The following ARHGAP15 variants were observed in gnomAD, a reference collection of about 807,000 sequenced individuals.
ARHGAP15 encodes rho GTPase-activating protein 15.
ARHGAP15 carries 51 observed loss-of-function variants against 63.7 expected under a neutral mutation model. The observed-to-expected ratio is 0.80, with a 90% confidence interval of 0.64 to 1.01. The LOEUF is 1.01. Ranked by LOEUF, ARHGAP15 falls within the 50% of genes least tolerant of loss-of-function variation. The pLI, the probability that ARHGAP15 is intolerant of heterozygous loss-of-function variation, is 0.00. For synonymous variants in ARHGAP15, 191 were observed against 193.8 expected (o/e 0.99, Z 0.12); for missense variants, 560 against 564.6 (o/e 0.99, Z 0.08).
chr2:143,430,959 G>T (rs1446166978), intron 6 of ARHGAP15, among the ~76,000 whole-genome samples: 1 of 152,004 alleles, frequency 6.6e-6, no homozygotes, highest in African/African-American at 2.4e-5. Flanking sequence ...AAATGCGAAA[G>T]GTATTTGTTC....
chr2:143,190,986 G>A (rs1299876720), intron 2 of ARHGAP15, among the ~76,000 whole-genome samples: 1 of 152,128 alleles, frequency 6.6e-6, no homozygotes, highest in East Asian at 1.9e-4. Context: ...GGCCAGGATG[G>A]TCTCCATCTT....
At chr2:143,182,580 G>C (rs1472003078) in intron 2 of ARHGAP15, among the ~76,000 whole-genome samples, 2 of 152,100 alleles carry the variant, frequency 1.3e-5, no homozygotes, top group Admixed American at 6.5e-5. Flanking sequence ...AACTTTGTAG[G>C]GGCTTTTACT....
At chr2:143,208,943 G>A (rs1692458415) in intron 3 of ARHGAP15, among the ~76,000 whole-genome samples, 1 of 152,120 alleles carries the variant, frequency 6.6e-6, no homozygotes. Context: ...AGGATTTTGA[G>A]GACAGAGCTC....
intron 12 of ARHGAP15, among the ~76,000 whole-genome samples, chr2:143,673,783 T>TAA (rs1574821097): frequency 8.3e-6 from 1 of 121,130 alleles, no homozygotes; most frequent in African/African-American, 2.8e-5. Context: ...TATATATATA[T>TAA]AAACAACTCC....
intron 9 of ARHGAP15, among the ~76,000 whole-genome samples, chr2:143,489,989 CTTTTTG>C (rs539572113): frequency 3.1e-4 from 47 of 151,786 alleles, no homozygotes; most frequent in African/African-American, 7.7e-4. Context: ...TTTTCTTTTT[CTTTTTG>C]TTTTTGTTTT....
intron 12 of ARHGAP15, among the ~76,000 whole-genome samples, chr2:143,700,545 T>TCTCTG (rs1016525608): frequency 1.7e-4 from 26 of 152,138 alleles, no homozygotes; most frequent in Non-Finnish European, 5.9e-5. Flanking sequence ...CTTCTCCTCC[T>TCTCTG]CTCTCCTCTC....
At chr2:143,180,186 C>A (rs1691180477) in intron 2 of ARHGAP15, among the ~76,000 whole-genome samples, 1 of 152,172 alleles carries the variant, frequency 6.6e-6, no homozygotes, top group South Asian at 2.1e-4. Flanking sequence ...GAATTTCTTT[C>A]AAAATTGGAG....
At chr2:143,143,169 G>C (rs1689440124) in intron 1 of ARHGAP15, among the ~76,000 whole-genome samples, 1 of 151,952 alleles carries the variant, frequency 6.6e-6, no homozygotes, top group Non-Finnish European at 1.5e-5. Flanking sequence ...ACTATACTTT[G>C]AGGAAGAAAA....
intron 6 of ARHGAP15, among the ~76,000 whole-genome samples, chr2:143,290,538 A>G (rs144290944): frequency 1.3e-5 from 2 of 152,246 alleles, no homozygotes; most frequent in East Asian, 1.9e-4. Context: ...AGAAATCTGG[A>G]TTTTCATATA....
intron 8 of ARHGAP15, among the ~76,000 whole-genome samples, chr2:143,461,281 CAAA>C (rs70982868): frequency 1.8e-4 from 10 of 55,054 alleles, no homozygotes; most frequent in African/African-American, 6.3e-4. Context: ...CTCTGTCTCT[CAAA>C]AAAAAAAAAA....
intron 1 of ARHGAP15, among the ~76,000 whole-genome samples, chr2:143,153,843 T>TTCTTCTTCCTCTTCCTCCTCCTCCTCC (rs1689957969): frequency 6.9e-5 from 6 of 86,868 alleles, no homozygotes; most frequent in Admixed American, 1.4e-4. Flanking sequence ...CTTCTTCTTC[T>TTCTTCTTCCTCTTCCTCCTCCTCCTCC]TCCTCCTCCT....
At chr2:143,667,249 G>A (rs1448023474) in intron 12 of ARHGAP15, among the ~76,000 whole-genome samples, 1 of 149,680 alleles carries the variant, frequency 6.7e-6, no homozygotes, top group Non-Finnish European at 1.5e-5. Context: ...CATAAAAAAT[G>A]ATGAGTTCAT....
chr2:143,754,561 A>G (rs1419084223), intron 13 of ARHGAP15, among the ~76,000 whole-genome samples: 1 of 152,188 alleles, frequency 6.6e-6, no homozygotes, highest in Non-Finnish European at 1.5e-5. Context: ...AGGTGTAGGC[A>G]GCTCTGGAAT....
intron 8 of ARHGAP15, among the ~76,000 whole-genome samples, chr2:143,467,716 C>T (rs1691300242): frequency 6.6e-6 from 1 of 151,982 alleles, no homozygotes; most frequent in African/African-American, 2.4e-5. Flanking sequence ...ATAGACACAA[C>T]TGTTTTAAAA....
chr2:143,142,551 A>G (rs1689412937), intron 1 of ARHGAP15, among the ~76,000 whole-genome samples: 1 of 152,124 alleles, frequency 6.6e-6, no homozygotes, highest in African/African-American at 2.4e-5. Flanking sequence ...AAGTCATAAC[A>G]AATACATTTG....
At chr2:143,537,963 C>A (rs1694857757) in intron 10 of ARHGAP15, among the ~76,000 whole-genome samples, 1 of 152,066 alleles carries the variant, frequency 6.6e-6, no homozygotes, top group African/African-American at 2.4e-5. Flanking sequence ...TATAAATTAC[C>A]TTGGGCAGTA....
At chr2:143,672,556 G>A (rs562034331) in intron 12 of ARHGAP15, among the ~76,000 whole-genome samples, 34 of 152,134 alleles carry the variant, frequency 2.2e-4, no homozygotes, top group African/African-American at 6.7e-4. Flanking sequence ...AACCGCACTC[G>A]AGTTAAACTG....
At chr2:143,230,963 AT>A (rs1693410097) in intron 5 of ARHGAP15, among the ~76,000 whole-genome samples, 1 of 151,920 alleles carries the variant, frequency 6.6e-6, no homozygotes. Flanking sequence ...AATAAATGGT[AT>A]TTTAGTCCTT....
chr2:143,129,839 A>G (rs1037934798), intron 1 of ARHGAP15, among the ~76,000 whole-genome samples: 11 of 152,194 alleles, frequency 7.2e-5, no homozygotes, highest in African/African-American at 2.7e-4. Context: ...TTCAACATCC[A>G]GATAAGGAAA....
Sources: gnomAD v4.1 joint callset for allele counts (sites outside exome capture counted in the v4.1 genomes callset) on GRCh38, gnomAD v4.1.1 for gene constraint, MANE v1.5 for transcripts, NCBI Gene and HGNC (gene_info 2026-07-23, HGNC 2026-07-21) for gene names.